The following EFCAB8 variants were observed in gnomAD, a reference collection of about 807,000 sequenced individuals.
EFCAB8 encodes EF-hand calcium binding domain 8, also known as EF-hand calcium-binding domain-containing protein 8.
A neutral mutation model predicts 116.3 loss-of-function variants in EFCAB8; 100 were observed. That is an observed-to-expected ratio of 0.86 (90% CI 0.73 to 1.02). The LOEUF (loss-of-function observed/expected upper bound fraction) is 1.02, where lower values mean the gene tolerates loss of function less well. EFCAB8 is among the 50% of genes least tolerant of loss of function. The probability of loss-of-function intolerance (pLI) is 0.00; values close to 1 mark genes in which losing one functional copy is unlikely to be tolerated. For synonymous variants in EFCAB8, 558 were observed against 567.9 expected, an observed-to-expected ratio of 0.98 and a Z score of 0.25; for missense variants, 1,320 against 1,416.9, an observed-to-expected ratio of 0.93 and a Z score of 1.10.
intron 5 of EFCAB8, among the ~76,000 whole-genome samples, chr20:32,879,043 C>G (rs1985168726): frequency 6.6e-6 from 1 of 152,228 alleles, no homozygotes; most frequent in Non-Finnish European, 1.5e-5. Flanking sequence ...CTGGAGAGGT[C>G]AAATGGCTGG....
intron 8 of EFCAB8, among the ~76,000 whole-genome samples, chr20:32,892,900 G>A (rs577053754): frequency 2.6e-5 from 4 of 151,106 alleles, no homozygotes; most frequent in Admixed American, 6.6e-5. Flanking sequence ...GAGTGCAGTG[G>A]TGCCATCTTA....
intron 6 of EFCAB8, among the ~76,000 whole-genome samples, chr20:32,887,942 G>A (rs1985715876): frequency 6.6e-6 from 1 of 152,222 alleles, no homozygotes; most frequent in Admixed American, 6.5e-5. Flanking sequence ...CAGACCTATG[G>A]AGGGGCAGAC....
chr20:32,935,929 T>C (rs1988104597), intron 22 of EFCAB8, among the ~76,000 whole-genome samples: 1 of 152,212 alleles, frequency 6.6e-6, no homozygotes, highest in Non-Finnish European at 1.5e-5. Flanking sequence ...ACTCTGTGGG[T>C]TATCTCTTTA....
rs986245481 is a variant in EFCAB8, at chr20:32,930,407, C to G, written c.2422C>G (p.Leu808Val). The G allele has an allele frequency of 1.9e-6, 3 of 1,550,710 alleles. No homozygotes were observed. In the Admixed American group the frequency reaches 5.9e-5, roughly 30 times the overall value. The change falls in exon 21 of 27, where the codon CTG becomes GTG. Residue 808 changes from leucine to valine, a missense_variant. By Grantham distance (32) the Leu-to-Val change is conservative. Transcript: ENST00000400522. Reference sequence around the variant, plus strand: ...CTCCTCTCTTCCTCAGATAATCTTCCTGCAGACCAGGCCTCGCCTGCCGCA... The same window carrying G: ...CTCCTCTCTTCCTCAGATAATCTTCGTGCAGACCAGGCCTCGCCTGCCGCA... ...SSASVEKIIF[L>V]QTRPRLPHTA...
At chr20:32,928,247 T>A (rs13040524) in intron 20 of EFCAB8, among the ~76,000 whole-genome samples, 60 of 91,616 alleles carry the variant, frequency 6.5e-4, no homozygotes, top group African/African-American at 1.1e-3. Flanking sequence ...TTTATTTTTT[T>A]TTTTTTGAGA....
At chr20:32,888,944 T>C (rs1306718113) in intron 6 of EFCAB8, among the ~76,000 whole-genome samples, 2 of 149,964 alleles carry the variant, frequency 1.3e-5, no homozygotes, top group Admixed American at 6.6e-5. Flanking sequence ...TTCAAGAGTT[T>C]GGTTGGTTTT....
Position 32,959,921 on chromosome 20 carries a change from G to T in EFCAB8, c.3233G>T (p.Gly1078Val). 1 of 1,551,704 alleles carries T rather than the reference G, an allele frequency of 6.4e-7. No individual in the cohort carries two copies. The highest frequency in any genetic ancestry group is 8.7e-7 in the Non-Finnish European group (1 of 1,146,990). Residue 1078 changes from glycine to valine, a missense_variant, in exon 25 of 27, where the codon GGA becomes GTA. By Grantham distance (109) the Gly-to-Val change is moderately radical. Coordinates refer to ENST00000400522, the MANE Select transcript of EFCAB8 (RefSeq NM_001143967.2). ...QKMALMSPWA[G>V]ERPLEDIEDS... ...ATGGCCCTGATGTCCCCGTGGGCCG[G>T]AGAGCGCCCCCTGGAAGACATTGAG...
At position 32,929,787 on chromosome 20, in the gene EFCAB8, C is replaced by T. The variant is rs535000547; in HGVS notation, c.2413-611C>T. Among the ~76,000 whole-genome samples, 3 of 152,316 alleles carry T rather than the reference C, an allele frequency of 2.0e-5. No individual in the cohort carries two copies. In the South Asian group the frequency reaches 6.2e-4, roughly 32 times the overall value. Reference sequence around the variant, plus strand: ...ACCACCCTCACTATGCTCTCAGCCTCCTGCTGGGTGCCAGGCAAGAAACTT... The same window carrying T: ...ACCACCCTCACTATGCTCTCAGCCTTCTGCTGGGTGCCAGGCAAGAAACTT... On this transcript the variant is annotated intron_variant, in intron 20 of 26. Coordinates refer to ENST00000400522, the MANE Select transcript of EFCAB8 (RefSeq NM_001143967.2).
chr20:32,940,243 A>C (rs6058968), intron 22 of EFCAB8, among the ~76,000 whole-genome samples: 1 of 149,312 alleles, frequency 6.7e-6, no homozygotes, highest in African/African-American at 2.5e-5. Flanking sequence ...TCAATGGAAT[A>C]GAATTTAGAG....
rs575313715 is a variant in EFCAB8, at chr20:32,871,517, A to G, written c.208+3770A>G. On this transcript the variant is annotated intron_variant, in intron 3 of 26. Transcript: ENST00000400522. ...TTGCTTTTTTAAAAAATTAATTTTA[A>G]CAAGTTTACCTCTTGCTTTTTACTG... 6.6e-5 allele frequency among the ~76,000 whole-genome samples: 10 copies of G among 152,224 alleles called. No homozygotes were observed. In the South Asian group the frequency reaches 2.1e-3, roughly 32 times the overall value.
chr20:32,875,993 A>G lies in EFCAB8; in HGVS notation c.276A>G (p.Leu92=). The G allele has an allele frequency of 6.4e-7, 1 of 1,552,206 alleles. No individual in the cohort carries two copies. ...KVLSSVSDEM[L]KELFLKVDSD... ...TGAGCAGTGTGTCGGACGAGATGCT[A>G]AAGGAGCTGTTTTTGAAGGTGGACT... The change falls in exon 4 of 27, where the codon CTA becomes CTG. Residue 92 remains leucine (L), a synonymous_variant. Coordinates refer to ENST00000400522, the MANE Select transcript of EFCAB8 (RefSeq NM_001143967.2).
At chr20:32,887,759 C>T (rs983218173) in intron 6 of EFCAB8, among the ~76,000 whole-genome samples, 1 of 152,250 alleles carries the variant, frequency 6.6e-6, no homozygotes. Context: ...TCTGTCTGTG[C>T]ACATGCTACA....
chr20:32,885,282 G>A (rs1985556155), intron 5 of EFCAB8, among the ~76,000 whole-genome samples: 1 of 152,230 alleles, frequency 6.6e-6, no homozygotes, highest in Non-Finnish European at 1.5e-5. Flanking sequence ...CCTCATATCA[G>A]CTTCTACGTG....
chr20:32,889,348 C>T lies in EFCAB8; in HGVS notation c.615C>T (p.Asp205=). The T allele has an allele frequency of 1.3e-6, 2 of 1,551,862 alleles. No individual in the cohort carries two copies. Among genetic ancestry groups the T allele is most frequent in the Middle Eastern group, 1.7e-4 (1 of 5,994 alleles). ...ACAACCAGCCGATGTGGGTCATTGA[C>T]ATGGTATGTCTGCACAATATGAACC... is the stretch of plus-strand genomic sequence containing the variant. ...QLYNQPMWVI[D]MVCLHNMNLV... Residue 205 remains aspartate (D), a synonymous_variant, in exon 7 of 27, where the codon GAC becomes GAT. Coordinates refer to ENST00000400522, the MANE Select transcript of EFCAB8 (RefSeq NM_001143967.2).
intron 11 of EFCAB8, among the ~76,000 whole-genome samples, chr20:32,904,865 G>A (rs770416471): frequency 3.9e-5 from 6 of 152,182 alleles, no homozygotes; most frequent in Non-Finnish European, 8.8e-5. Context: ...GACCTCAGGT[G>A]ATCCGGCCGC....
At chr20:32,900,517 T>C (rs6087431) in intron 11 of EFCAB8, among the ~76,000 whole-genome samples, 98,833 of 151,300 alleles carry the variant, frequency 0.65, 32,927 homozygotes, top group Middle Eastern at 0.8. Context: ...CGTGCCCCCG[T>C]GCTCAGCTAA....
rs573101893 is a variant in EFCAB8 at position 32,875,953 on chromosome 20, C to T, written c.236C>T (p.Ala79Val). 3 of 1,551,920 alleles carry T rather than the reference C, an allele frequency of 1.9e-6. No individual in the cohort carries two copies. In the African/African-American group the frequency reaches 4.1e-5, roughly 21 times the overall value. The change falls in exon 4 of 27, where the codon GCC becomes GTC. Residue 79 changes from alanine to valine, a missense_variant. Transcript: ENST00000400522. ...GALGMDAFIK[A>V]MKKVLSSVSD... The stretch of plus-strand genomic sequence containing the variant: ...CTGGGCATGGACGCCTTCATCAAGG[C>T]CATGAAGAAGGTTCTGAGCAGTGTG...
rs551171092 is a variant in EFCAB8 at position 32,946,407 on chromosome 20, G to GT, written c.2959+2610dup. On this transcript the variant is annotated intron_variant, in intron 23 of 26. Coordinates refer to ENST00000400522, the MANE Select transcript of EFCAB8 (RefSeq NM_001143967.2). ...CAGTGCAGCTGGTTTTTTGTTTTTTGTTTTTTTGGTTTTTGTTTGTTTGTT... is the reference window on the plus strand; with the variant it reads ...CAGTGCAGCTGGTTTTTTGTTTTTTGTTTTTTTTGGTTTTTGTTTGTTTGTT... Among the ~76,000 whole-genome samples the GT allele has an allele frequency of 1.4e-4, 21 of 152,112 alleles. No individual in the cohort carries two copies. The East Asian group carries it at 2.5e-3, about 18-fold the overall frequency.
At chr20:32,935,905 A>G (rs1988103632) in intron 22 of EFCAB8, among the ~76,000 whole-genome samples, 1 of 152,164 alleles carries the variant, frequency 6.6e-6, no homozygotes. Context: ...TATGATTTAC[A>G]TATATTTTCT....
Sources: allele counts gnomAD v4.1 joint callset (sites outside exome capture counted in the v4.1 genomes callset), GRCh38; gene constraint gnomAD v4.1.1; transcripts MANE v1.5; gene names NCBI Gene and HGNC (gene_info 2026-07-23, HGNC 2026-07-21).